PTPRB: variants seen among roughly 807,000 people sequenced by gnomAD.
PTPRB encodes the protein receptor-type tyrosine-protein phosphatase beta.
PTPRB carries 97 observed loss-of-function variants against 238.1 expected under a neutral mutation model. The ratio of observed to expected loss-of-function variants is 0.41; its 90% CI spans 0.35 to 0.48. The LOEUF (loss-of-function observed/expected upper bound fraction) is 0.48. Ranked by LOEUF, PTPRB falls within the 20% of genes least tolerant of loss-of-function variation. The pLI, the probability that PTPRB is intolerant of heterozygous loss-of-function variation, is 0.30. For missense variants in PTPRB, 2,292 were observed against 2,681.9 expected (o/e 0.85, Z 3.21); for synonymous variants, 970 against 995.4 (o/e 0.97, Z 0.48).
chr12:70,625,358 G>C (rs1054871988), intron 2 of PTPRB, among the ~76,000 whole-genome samples: 1 of 152,122 alleles, frequency 6.6e-6, no homozygotes, highest in Non-Finnish European at 1.5e-5. Context: ...AGCAGACTTG[G>C]TGTGGGACCT....
At position 70,536,148 on chromosome 12, in the gene PTPRB, G is replaced by A; in HGVS notation, c.5958C>T (p.Phe1986=). Residue 1986 remains phenylalanine, a synonymous_variant, in exon 29 of 34, where the codon TTC becomes TTT. Coordinates refer to ENST00000334414, the MANE Select transcript of PTPRB (RefSeq NM_001109754.4). ...INASYIPGNN[F]RREYIVTQGP... ...CCTGAGTGACAATGTATTCTCTTCT[G>A]AAGTTGTTGCCCTGCAATGAATTTA... 3 of 1,613,278 alleles carry A rather than the reference G, an allele frequency of 1.9e-6. No homozygotes were observed. The East Asian group carries it at 6.7e-5, about 36-fold the overall frequency.
intron 10 of PTPRB, among the ~76,000 whole-genome samples, chr12:70,579,038 C>A (rs1881087529): frequency 6.6e-6 from 1 of 152,108 alleles, no homozygotes; most frequent in South Asian, 2.1e-4. Context: ...AGACTGTATC[C>A]CAACCAATAG....
intron 32 of PTPRB, among the ~76,000 whole-genome samples, chr12:70,529,648 GATA>G (rs1045976310): frequency 1.4e-4 from 21 of 152,054 alleles, no homozygotes; most frequent in African/African-American, 2.7e-4. Context: ...TAATAAGAAG[GATA>G]ATAATTAATA....
rs1174147940 is a variant in PTPRB, at chr12:70,555,943, C to G, written c.4920G>C (p.Leu1640=). The change falls in exon 19 of 34, where the codon CTG becomes CTC. Residue 1640 remains leucine, a synonymous_variant. Coordinates refer to ENST00000334414, the MANE Select transcript of PTPRB (RefSeq NM_001109754.4). ...IMMLVPHKRY[L]VSIKVQSAGM... ...CGGCCGACTGCACTTTGATGGACAC[C>G]AGGTACCTCTTATGGGGCACTAGCA... 1 of 1,613,766 alleles carries G rather than the reference C, an allele frequency of 6.2e-7. No individual in the cohort carries two copies. Among genetic ancestry groups the G allele is most frequent in the South Asian group, 1.1e-5 (1 of 91,076 alleles).
intron 3 of PTPRB, among the ~76,000 whole-genome samples, chr12:70,622,112 C>G (rs142845072): frequency 2.0e-5 from 3 of 152,290 alleles, no homozygotes; most frequent in African/African-American, 7.2e-5. Flanking sequence ...ATGTGTAACA[C>G]CATGAACCCT....
At chr12:70,613,316 T>G (rs1376909746) in intron 3 of PTPRB, among the ~76,000 whole-genome samples, 1 of 152,048 alleles carries the variant, frequency 6.6e-6, no homozygotes. Context: ...TCCACTTGCT[T>G]GGGTCTGATA....
At chr12:70,556,175 T>G (rs1232955187) in intron 18 of PTPRB, 27 bp from the exon 19 acceptor site, 4 of 1,585,512 alleles carry the variant, frequency 2.5e-6, no homozygotes, top group Non-Finnish European at 3.4e-6. Flanking sequence ...AGGCAACACT[T>G]TTCAGAACTC....
Position 70,576,663 on chromosome 12 carries a change from G to C in PTPRB, c.2579-18C>G, listed in dbSNP as rs548565841. On this transcript the variant is annotated intron_variant, in intron 10 of 33. Transcript: ENST00000334414. Reference sequence around the variant, plus strand: ...GGAAGGGACTGTGATTTTGAAAGGTGGGGGGCGGGGGGGGGGGGGAAGGGG... The same window carrying C: ...GGAAGGGACTGTGATTTTGAAAGGTCGGGGGCGGGGGGGGGGGGGAAGGGG... The C allele has an allele frequency of 4.1e-4, 113 of 273,310 alleles. 1 individual carries two copies. In the African/African-American group the frequency reaches 6.2e-3, roughly 15 times the overall value. 16.9% of individuals were successfully genotyped at this position (273,310 alleles called of 1,614,324 possible). A position where few individuals can be genotyped will look rare whatever the true frequency, so the allele number is the denominator to read the frequency against.
At chr12:70,631,048 T>A (rs1885428409) in intron 2 of PTPRB, among the ~76,000 whole-genome samples, 1 of 152,154 alleles carries the variant, frequency 6.6e-6, no homozygotes, top group Non-Finnish European at 1.5e-5. Flanking sequence ...AAGCTACCAA[T>A]GACTTTCTTC....
chr12:70,559,743 G>GA, intron 17 of PTPRB, 119 bp from the exon 18 acceptor site: 1 of 969,140 alleles, frequency 1.0e-6, no homozygotes, highest in Non-Finnish European at 1.5e-6. Flanking sequence ...GAGATAATAT[G>GA]ATAATAATAT....
chr12:70,576,662 T>TGG lies in PTPRB; in HGVS notation c.2579-19_2579-18dup, dbSNP rs753042261. On this transcript the variant is annotated splice_polypyrimidine_tract_variant and intron_variant, in intron 10 of 33. Transcript: ENST00000334414. ...TGGAAGGGACTGTGATTTTGAAAGG[T>TGG]GGGGGGCGGGGGGGGGGGGGAAGGG... 0.012 allele frequency: 180 copies of TGG among 15,234 alleles called. 3 individuals carry two copies. Among genetic ancestry groups the TGG allele is most frequent in the African/African-American group, 0.037 (113 of 3,058 alleles). The allele number at this position is 15,234 out of a possible 1,614,324, so 0.9% of individuals were successfully genotyped here. A position where few individuals can be genotyped will look rare whatever the true frequency, so the allele number is the denominator to read the frequency against.
intron 2 of PTPRB, among the ~76,000 whole-genome samples, chr12:70,623,313 T>C (rs867800014): frequency 6.6e-6 from 1 of 152,200 alleles, no homozygotes; most frequent in Non-Finnish European, 1.5e-5. Flanking sequence ...GATTAACTTA[T>C]AGCTTTGTTT....
intron 33 of PTPRB, chr12:70,522,541 T>G (rs2136191785): frequency 6.6e-6 from 1 of 152,326 alleles, no homozygotes; most frequent in South Asian, 2.1e-4. Context: ...ATGTGATAAC[T>G]TAGGTCTTCA....
At chr12:70,609,735 C>T (rs2252674) in intron 3 of PTPRB, 172,065 of 1,555,572 alleles carry the variant, frequency 0.11, 15,085 homozygotes, top group African/African-American at 0.38. Context: ...GGCGCATCAG[C>T]TCTGACCCCT....
intron 31 of PTPRB, 40 bp from the exon 32 acceptor site, chr12:70,532,210 A>T: frequency 6.5e-7 from 1 of 1,530,396 alleles, no homozygotes; most frequent in Non-Finnish European, 8.8e-7. Context: ...CTTTTTATTA[A>T]ATTTGCCTTT....
At chr12:70,592,681 T>C in intron 6 of PTPRB, 136 bp from the exon 7 acceptor site, 2 of 898,974 alleles carry the variant, frequency 2.2e-6, no homozygotes, top group Non-Finnish European at 1.7e-6. Flanking sequence ...AAGAGGCAAA[T>C]ATTATCCTCT....
At chr12:70,582,226 C>T (rs994953703) in intron 9 of PTPRB, among the ~76,000 whole-genome samples, 1 of 152,058 alleles carries the variant, frequency 6.6e-6, no homozygotes. Context: ...TGGCACCCCT[C>T]TTTCTCAAAG....
At chr12:70,542,126 G>T (rs1378357983) in intron 22 of PTPRB, 3 of 152,116 alleles carry the variant, frequency 2.0e-5, no homozygotes, top group African/African-American at 4.8e-5. Context: ...CTGTCTTTTT[G>T]ATTATAGCCA....
At chr12:70,625,986 A>G (rs1322855410) in intron 2 of PTPRB, among the ~76,000 whole-genome samples, 1 of 152,188 alleles carries the variant, frequency 6.6e-6, no homozygotes, top group African/African-American at 2.4e-5. Context: ...TTAAAAGAGC[A>G]ATGTGTATTT....
Sources: allele counts gnomAD v4.1 joint callset (sites outside exome capture counted in the v4.1 genomes callset), GRCh38; gene constraint gnomAD v4.1.1; transcripts MANE v1.5; gene names NCBI Gene and HGNC (gene_info 2026-07-23, HGNC 2026-07-21).